Variants in CHD6 observed in about 807,000 individuals in gnomAD.
CHD6 encodes chromodomain helicase DNA binding protein 6, also known as ATP-dependent chromatin remodeler CHD6.
CHD6 carries 50 observed loss-of-function variants against 276.9 expected under a neutral mutation model. The ratio of observed to expected loss-of-function variants is 0.18; its 90% CI spans 0.14 to 0.23. The LOEUF (loss-of-function observed/expected upper bound fraction) is 0.23. Ranked by LOEUF, CHD6 falls within the 10% of genes least tolerant of loss-of-function variation. CHD6 has a pLI of 1.00. For synonymous variants in CHD6, 1,173 were observed against 1,229.3 expected, an observed-to-expected ratio of 0.95 and a Z score of 0.96; for missense variants, 2,564 against 3,365.8, an observed-to-expected ratio of 0.76 and a Z score of 5.89.
intron 1 of CHD6, among the ~76,000 whole-genome samples, chr20:41,574,199 C>T (rs1007665369): frequency 8.6e-5 from 13 of 152,020 alleles, no homozygotes; most frequent in Non-Finnish European, 1.5e-4. Context: ...AGAGGCAAAC[C>T]ATCTAAAATG....
At position 41,489,813 on chromosome 20, in the gene CHD6, T is replaced by C; in HGVS notation, c.1645A>G (p.Ile549Val). Residue 549 changes from isoleucine to valine, a missense_variant, in exon 12 of 37, where the codon ATC becomes GTC. Ile to Val is a conservative substitution (Grantham distance 29, BLOSUM62 3). This residue lies in a region of CHD6 where 457 missense variants were observed against 889.0 expected (regional missense o/e 0.51). Coordinates refer to ENST00000373233, the MANE Select transcript of CHD6 (RefSeq NM_032221.5). ...CTGTACACCATTTCATACTGCTGGA[T>C]CATCTGCCTGCTGATCTGGCTGCCG... ...YHGSQISRQMIQQYEMVYRDA... is the reference protein window; with the variant it reads ...YHGSQISRQMVQQYEMVYRDA... 6.2e-7 allele frequency: 1 copy of C among 1,614,002 alleles called. No homozygotes were observed. The highest frequency in any genetic ancestry group is 8.5e-7 in the Non-Finnish European group (1 of 1,179,924).
chr20:41,487,603 G>T, intron 14 of CHD6, 62 bp downstream of exon 14: 1 of 1,499,762 alleles, frequency 6.7e-7, no homozygotes, highest in Non-Finnish European at 9.0e-7. Flanking sequence ...ATAGCATCCT[G>T]CTCTTTTCTT....
In CHD6 at chr20:41,421,438, C is replaced by T. The variant is rs756312998; in HGVS notation, c.5197G>A (p.Asp1733Asn). The T allele has an allele frequency of 1.2e-5, 20 of 1,614,048 alleles. No homozygotes were observed. The highest frequency in any genetic ancestry group is 2.2e-5 in the East Asian group (1 of 44,898). ...TTGCTTATTGAGATGGTAATAACAT[C>T]TTTTCTAGATTCAGTATTGGTACTT... ...SPSTNTESRK[D>N]VITISISKDG... The change falls in exon 31 of 37, where the codon GAT becomes AAT. Residue 1733 changes from aspartate (D) to asparagine (N), a missense_variant. Asp to Asn is a conservative substitution (Grantham distance 23). Around this residue, in one of 7 missense-constraint regions of CHD6, gnomAD observed 1,024 missense variants for 1,047.9 expected, o/e 0.98. Transcript: ENST00000373233.
intron 1 of CHD6, among the ~76,000 whole-genome samples, chr20:41,603,608 G>A (rs765530063): frequency 6.6e-5 from 10 of 152,286 alleles, no homozygotes; most frequent in Non-Finnish European, 1.2e-4. Flanking sequence ...GCTCACGCCT[G>A]TAATCCCAGC....
chr20:41,613,547 G>A (rs1324761905), intron 1 of CHD6, among the ~76,000 whole-genome samples: 1 of 152,210 alleles, frequency 6.6e-6, no homozygotes, highest in Non-Finnish European at 1.5e-5. Context: ...GATAACCCCA[G>A]GGAATGCCTG....
chr20:41,464,285 C>A (rs989959087), intron 17 of CHD6, among the ~76,000 whole-genome samples: 4 of 152,138 alleles, frequency 2.6e-5, no homozygotes, highest in African/African-American at 9.7e-5. Flanking sequence ...TTTAACCACA[C>A]TGAAGCAGGT....
At chr20:41,518,884 G>C (rs911635113) in intron 3 of CHD6, among the ~76,000 whole-genome samples, 6 of 152,208 alleles carry the variant, frequency 3.9e-5, no homozygotes, top group Non-Finnish European at 8.8e-5. Flanking sequence ...CCTTATGCTT[G>C]AGAGTTTTAT....
intron 33 of CHD6, among the ~76,000 whole-genome samples, chr20:41,416,237 T>G (rs145444614): frequency 1.3e-5 from 2 of 152,284 alleles, no homozygotes; most frequent in African/African-American, 4.8e-5. Flanking sequence ...TATTTATTAG[T>G]CATGGGGTCA....
intron 3 of CHD6, among the ~76,000 whole-genome samples, chr20:41,523,250 T>C (rs2044447366): frequency 6.6e-6 from 1 of 152,134 alleles, no homozygotes. Flanking sequence ...TTCTGAATAA[T>C]ACAAAGGCCT....
intron 1 of CHD6, among the ~76,000 whole-genome samples, chr20:41,586,578 CCCA>C (rs944969804): frequency 1.2e-4 from 18 of 152,178 alleles, no homozygotes; most frequent in Admixed American, 3.9e-4. Flanking sequence ...TTGGGAGCGG[CCCA>C]CCACCATCTT....
At chr20:41,520,048 C>A (rs1289060671) in intron 3 of CHD6, among the ~76,000 whole-genome samples, 3 of 152,180 alleles carry the variant, frequency 2.0e-5, no homozygotes, top group Admixed American at 6.5e-5. Context: ...GACATTTATG[C>A]CGCCAAAAGA....
intron 1 of CHD6, among the ~76,000 whole-genome samples, chr20:41,615,448 A>C (rs2045926081): frequency 6.6e-6 from 1 of 152,196 alleles, no homozygotes; most frequent in Non-Finnish European, 1.5e-5. Context: ...CTGGTACAGG[A>C]GAATGCAGGC....
Position 41,404,910 on chromosome 20 carries a change from G to T in CHD6, c.7831C>A (p.Pro2611Thr). 1.2e-6 allele frequency: 2 copies of T among 1,614,116 alleles called. No homozygotes were observed. The highest frequency in any genetic ancestry group is 2.2e-5 in the South Asian group (2 of 91,078). The change falls in exon 37 of 37, where the codon CCA becomes ACA. Residue 2611 changes from proline (P) to threonine (T), a missense_variant. Physicochemically the swap from Pro to Thr is conservative, Grantham distance 38. Transcript: ENST00000373233. ...GGAGATACTCCTGGGATGAGAAATG[G>T]GTTAAAAGCCACAGGACTACTAGTA... Reference protein sequence around the residue: ...ITTSSPVAFNPFLIPGVSPGL... With the variant: ...ITTSSPVAFNTFLIPGVSPGL...
At chr20:41,437,739 T>C (rs537056583) in intron 26 of CHD6, among the ~76,000 whole-genome samples, 2 of 152,302 alleles carry the variant, frequency 1.3e-5, no homozygotes, top group South Asian at 2.1e-4. Context: ...AGTCCCTTGG[T>C]TGGCCCTCTG....
chr20:41,423,085 C>G (rs1425627528), intron 30 of CHD6, among the ~76,000 whole-genome samples: 2 of 152,160 alleles, frequency 1.3e-5, no homozygotes, highest in Non-Finnish European at 2.9e-5. Flanking sequence ...CACTTACTTT[C>G]TATAGTTACA....
Position 41,440,074 on chromosome 20 carries a change from T to C in CHD6, c.3933A>G (p.Lys1311=). 6.2e-7 allele frequency: 1 copy of C among 1,614,036 alleles called. No individual in the cohort carries two copies. Among genetic ancestry groups the C allele is most frequent in the South Asian group, 1.1e-5 (1 of 91,076 alleles). The change falls in exon 26 of 37, where the codon AAA becomes AAG. Residue 1311 remains lysine (K), a synonymous_variant. Transcript: ENST00000373233. ...RADPALCFLE[K]VGMPDEKSLS... is the part of the protein sequence containing the mutation. ...GGGACTTCTCATCGGGCATCCCAAC[T>C]TTCTCCAGGAAGCAAAGTGCTGGGT...
At chr20:41,414,316 T>C (rs999645235) in intron 34 of CHD6, 1 of 152,248 alleles carries the variant, frequency 6.6e-6, no homozygotes, top group African/African-American at 2.4e-5. Flanking sequence ...GGGGAAATTA[T>C]TTAATGCTTT....
chr20:41,549,582 A>G lies in CHD6; in HGVS notation c.33+1723T>C, dbSNP rs1000630990. ...TGGGTGCAGCACACCAACATGGCACATGTATACATATGTAACAAACCTGCA... is the reference window on the plus strand; with the variant it reads ...TGGGTGCAGCACACCAACATGGCACGTGTATACATATGTAACAAACCTGCA... On this transcript the variant is annotated intron_variant, in intron 2 of 36. Transcript: ENST00000373233. Among the ~76,000 whole-genome samples the G allele has an allele frequency of 2.3e-4, 34 of 150,614 alleles. No individual in the cohort carries two copies. In the East Asian group the frequency reaches 6.5e-3, roughly 29 times the overall value.
At position 41,405,401 on chromosome 20, in the gene CHD6, C is replaced by G; in HGVS notation, c.7340G>C (p.Arg2447Pro). 6.2e-7 allele frequency: 1 copy of G among 1,613,666 alleles called. No individual in the cohort carries two copies. Among genetic ancestry groups the G allele is most frequent in the Non-Finnish European group, 8.5e-7 (1 of 1,179,642 alleles). Residue 2447 changes from arginine to proline, a missense_variant, in exon 37 of 37, where the codon CGG (arginine) becomes CCG (proline). By Grantham distance (103) the Arg-to-Pro change is moderately radical. Transcript: ENST00000373233. Reference sequence around the variant, plus strand: ...GGAAGGAGCCTTCAGGAGTTCGCTCCGAGGCCGCCTCCCCCTCCTGCGGGG... The same window carrying G: ...GGAAGGAGCCTTCAGGAGTTCGCTCGGAGGCCGCCTCCCCCTCCTGCGGGG... The part of the protein sequence containing the change: ...TGPRRRGRRP[R>P]SELLKAPSIV...
Sources: allele counts gnomAD v4.1 joint callset (sites outside exome capture counted in the v4.1 genomes callset), GRCh38; gene constraint gnomAD v4.1.1; regional missense constraint gnomAD v4.1.1; transcripts MANE v1.5; gene names NCBI Gene and HGNC (gene_info 2026-07-23, HGNC 2026-07-21).